The following UGT8 variants were observed in gnomAD, a reference collection of about 807,000 sequenced individuals.
The protein encoded by UGT8 is UDP glycosyltransferase 8.
A neutral mutation model predicts 40.5 loss-of-function variants in UGT8; 12 were observed. The observed-to-expected ratio is 0.30, with a 90% CI of 0.19 to 0.48. The LOEUF (loss-of-function observed/expected upper bound fraction) is 0.48. Among genes scored for constraint, UGT8 ranks in the 20% least tolerant of loss-of-function variants. The pLI, the probability that UGT8 is intolerant of heterozygous loss-of-function variation, is 0.99. For synonymous variants in UGT8, 224 were observed against 240.4 expected, an observed-to-expected ratio of 0.93 and a Z score of 0.63; for missense variants, 513 against 648.7, an observed-to-expected ratio of 0.79 and a Z score of 2.27.
Position 114,663,267 on chromosome 4 carries a change from C to T in UGT8, c.823-728C>T, listed in dbSNP as rs551525522. ...GACCTGCAGGGTCTATGAGATATAA[C>T]TGTGGCAGCTCACTCTACACATTAT... On this transcript the variant is annotated intron_variant, in intron 2 of 5. Transcript: ENST00000310836. Among the ~76,000 whole-genome samples, 320 of 152,176 alleles carry T rather than the reference C, an allele frequency of 2.1e-3. 1 individual carries two copies. Among genetic ancestry groups the T allele is most frequent in the Non-Finnish European group, 3.7e-3 (255 of 68,000 alleles).
At chr4:114,653,904 C>T (rs985913199) in intron 2 of UGT8, among the ~76,000 whole-genome samples, 1 of 152,024 alleles carries the variant, frequency 6.6e-6, no homozygotes, top group African/African-American at 2.4e-5. Flanking sequence ...ATTCCTGACA[C>T]CTGGTGCCTG....
rs766281105 is a variant in UGT8, at chr4:114,623,390, T to C, written c.510T>C (p.Ala170=). 2.5e-5 allele frequency: 41 copies of C among 1,614,078 alleles called. No individual in the cohort carries two copies. The South Asian group carries it at 4.1e-4, about 16-fold the overall frequency. ...TGLWYPAEVG[A]PAPLAYVPEF... is the part of the protein sequence containing the mutation. ...TTTGGTATCCTGCTGAAGTGGGTGCTCCTGCTCCATTAGCATACGTCCCAG... is the reference window on the plus strand; with the variant it reads ...TTTGGTATCCTGCTGAAGTGGGTGCCCCTGCTCCATTAGCATACGTCCCAG... The change falls in exon 2 of 6, where the codon GCT becomes GCC. Residue 170 remains alanine (A), a synonymous_variant. Transcript: ENST00000310836.
rs569098985 is a variant in UGT8, at chr4:114,601,428, C to G, written c.-3+2454C>G. ...TTTAATTCATACTAGGATTTTCCAA[C>G]ATACACCTGGGAATTTCTAAGATAT... On this transcript the variant is annotated intron_variant, in intron 1 of 5. Transcript: ENST00000310836. Among the ~76,000 whole-genome samples the G allele has an allele frequency of 1.6e-4, 24 of 152,246 alleles. No individual in the cohort carries two copies. In the South Asian group the frequency reaches 5.0e-3, roughly 32 times the overall value.
chr4:114,620,692 TC>T (rs1278965517), intron 1 of UGT8, among the ~76,000 whole-genome samples: 1 of 152,192 alleles, frequency 6.6e-6, no homozygotes, highest in African/African-American at 2.4e-5. Context: ...GTTTGAAACT[TC>T]CCTTAGAGTA....
chr4:114,617,656 C>T (rs1177072951), intron 1 of UGT8, among the ~76,000 whole-genome samples: 1 of 152,132 alleles, frequency 6.6e-6, no homozygotes, highest in African/African-American at 2.4e-5. Context: ...GAGAGAATCA[C>T]TAGTGGCTAC....
At position 114,661,953 on chromosome 4, in the gene UGT8, T is replaced by A. The variant is rs544205245; in HGVS notation, c.823-2042T>A. Among the ~76,000 whole-genome samples, 4 of 152,372 alleles carry A rather than the reference T, an allele frequency of 2.6e-5. No individual in the cohort carries two copies. The East Asian group carries it at 7.7e-4, about 29-fold the overall frequency. ...CATTTATGTTTAAGTACATCTAACT[T>A]AGGACTGTACATAAAATTTTAAATC... On this transcript the variant is annotated intron_variant, in intron 2 of 5. Coordinates refer to ENST00000310836, the MANE Select transcript of UGT8 (RefSeq NM_001128174.3).
Position 114,635,374 on chromosome 4 carries a change from C to CT in UGT8, c.822+11672_822+11673insT, listed in dbSNP as rs200793313. Among the ~76,000 whole-genome samples the CT allele has an allele frequency of 5.6e-3, 846 of 151,900 alleles. 6 individuals are homozygous for CT. The highest frequency in any genetic ancestry group is 0.017 in the Middle Eastern group (5 of 292). Reference sequence around the variant, plus strand: ...TCAAAAAAAAAAAAATTCAAGCCACCATATTATTTGATTTTGTACAATACA... The same window carrying CT: ...TCAAAAAAAAAAAAATTCAAGCCACCTATATTATTTGATTTTGTACAATACA... On this transcript the variant is annotated intron_variant, in intron 2 of 5. Transcript: ENST00000310836.
chr4:114,662,388 G>T (rs1387831710), intron 2 of UGT8, among the ~76,000 whole-genome samples: 3 of 152,138 alleles, frequency 2.0e-5, no homozygotes, highest in African/African-American at 4.8e-5. Context: ...CCTTGGAAAA[G>T]ATCAAAATGC....
intron 5 of UGT8, among the ~76,000 whole-genome samples, chr4:114,668,548 A>G (rs901794259): frequency 7.2e-5 from 11 of 152,250 alleles, no homozygotes; most frequent in African/African-American, 2.4e-4. Flanking sequence ...AGAAACTGCA[A>G]TGGGAACAAT....
chr4:114,621,984 A>T (rs2126096979), intron 1 of UGT8, among the ~76,000 whole-genome samples: 1 of 152,204 alleles, frequency 6.6e-6, no homozygotes, highest in East Asian at 1.9e-4. Flanking sequence ...TTTAAGTTTT[A>T]GGGTACATGT....
chr4:114,675,911 T>TC lies in UGT8; in HGVS notation c.1263-10dup, dbSNP rs769727277. 4.4e-6 allele frequency: 7 copies of TC among 1,595,380 alleles called. No individual in the cohort carries two copies. The highest frequency in any genetic ancestry group is 6.0e-6 in the Non-Finnish European group (7 of 1,170,616). On this transcript the variant is annotated splice_polypyrimidine_tract_variant and intron_variant, in intron 5 of 5. Coordinates refer to ENST00000310836, the MANE Select transcript of UGT8 (RefSeq NM_001128174.3). ...ATAAGCATCATCATTCTGTGTTTTG[T>TC]CCCCTCTCCATAGCTACCGTCAGAG...
At chr4:114,643,824 A>G (rs559655793) in intron 2 of UGT8, among the ~76,000 whole-genome samples, 34 of 152,214 alleles carry the variant, frequency 2.2e-4, no homozygotes, top group Admixed American at 6.5e-4. Flanking sequence ...CACATCAAAC[A>G]TGAAATACAC....
At chr4:114,658,764 C>T (rs766842289) in intron 2 of UGT8, among the ~76,000 whole-genome samples, 15 of 152,130 alleles carry the variant, frequency 9.9e-5, no homozygotes, top group Non-Finnish European at 1.9e-4. Context: ...GAAGGCATTA[C>T]CCAATGAGTG....
At chr4:114,635,255 G>T (rs911784149) in intron 2 of UGT8, among the ~76,000 whole-genome samples, 2 of 151,896 alleles carry the variant, frequency 1.3e-5, no homozygotes, top group Non-Finnish European at 2.9e-5. Context: ...GGAGGCTGAG[G>T]CAGGAGAATC....
rs143098339 is a variant in UGT8 at position 114,642,937 on chromosome 4, G to T, written c.822+19235G>T. Among the ~76,000 whole-genome samples the T allele has an allele frequency of 2.8e-3, 430 of 152,196 alleles. 3 individuals are homozygous for T. Among genetic ancestry groups the T allele is most frequent in the African/African-American group, 9.6e-3 (400 of 41,544 alleles). On this transcript the variant is annotated intron_variant, in intron 2 of 5. Coordinates refer to ENST00000310836, the MANE Select transcript of UGT8 (RefSeq NM_001128174.3). ...TCTGATTAGTATCATACCTCAATCA[G>T]AACAAAATTAGAAACAACTACTCCT...
In UGT8 at chr4:114,623,401, T is replaced by C; in HGVS notation, c.521T>C (p.Leu174Ser). ...GCTGAAGTGGGTGCTCCTGCTCCAT[T>C]AGCATACGTCCCAGAGTTTAACTCA... ...YPAEVGAPAP[L>S]AYVPEFNSLL... The change falls in exon 2 of 6, where the codon TTA becomes TCA. Residue 174 changes from leucine to serine, a missense_variant. Physicochemically the swap from Leu to Ser is moderately radical, Grantham distance 145. Around this residue, in one of 3 missense-constraint regions of UGT8, gnomAD observed 335 missense variants for 444.8 expected, o/e 0.75. Transcript: ENST00000310836. The C allele has an allele frequency of 6.2e-7, 1 of 1,614,180 alleles. No individual in the cohort carries two copies. The highest frequency in any genetic ancestry group is 1.1e-5 in the South Asian group (1 of 91,080).
chr4:114,644,842 T>C (rs986710550), intron 2 of UGT8, among the ~76,000 whole-genome samples: 1 of 152,172 alleles, frequency 6.6e-6, no homozygotes, highest in Admixed American at 6.6e-5. Flanking sequence ...CCTCTACAGC[T>C]GAAAGTGGCC....
chr4:114,646,877 C>T (rs550622497), intron 2 of UGT8, among the ~76,000 whole-genome samples: 1 of 152,326 alleles, frequency 6.6e-6, no homozygotes, highest in African/African-American at 2.4e-5. Context: ...AATGCACTTC[C>T]ACAATCACTG....
chr4:114,662,044 G>C (rs1278520465), intron 2 of UGT8, among the ~76,000 whole-genome samples: 1 of 152,022 alleles, frequency 6.6e-6, no homozygotes, highest in East Asian at 1.9e-4. Flanking sequence ...CATATACTTG[G>C]TAAATGTAGC....
Sources: allele counts gnomAD v4.1 joint callset (sites outside exome capture counted in the v4.1 genomes callset), GRCh38; gene constraint gnomAD v4.1.1; regional missense constraint gnomAD v4.1.1; transcripts MANE v1.5; gene names NCBI Gene and HGNC (gene_info 2026-07-23, HGNC 2026-07-21).